SOAT2: variants seen among roughly 807,000 people sequenced by gnomAD.
The protein encoded by SOAT2 is sterol O-acyltransferase 2.
A neutral mutation model predicts 76.0 loss-of-function variants in SOAT2; 87 were observed. The observed-to-expected ratio is 1.14, with a 90% CI of 0.96 to 1.37. The LOEUF (loss-of-function observed/expected upper bound fraction) is 1.37. Among genes scored for constraint, SOAT2 ranks in the 40% most tolerant of loss-of-function variants. The pLI, the probability that SOAT2 is intolerant of heterozygous loss-of-function variation, is 0.00. For missense variants in SOAT2, 686 were observed against 682.1 expected, an observed-to-expected ratio of 1.01 and a Z score of -0.06; for synonymous variants, 285 against 275.4, an observed-to-expected ratio of 1.03 and a Z score of -0.34.
intron 8 of SOAT2, among the ~76,000 whole-genome samples, chr12:53,118,672 C>T (rs1432705263): frequency 6.6e-6 from 1 of 152,100 alleles, no homozygotes; most frequent in Non-Finnish European, 1.5e-5. Context: ...GATAATCCTA[C>T]CCATCCTACA....
chr12:53,104,428 G>A (rs1937896371), intron 2 of SOAT2, among the ~76,000 whole-genome samples: 2 of 151,746 alleles, frequency 1.3e-5, no homozygotes, highest in South Asian at 2.1e-4. Context: ...GCCACCAGGT[G>A]TGGCTAATTT....
intron 10 of SOAT2, 104 bp downstream of exon 10, chr12:53,119,357 G>C: frequency 7.8e-7 from 1 of 1,280,804 alleles, no homozygotes; most frequent in East Asian, 2.5e-5. Context: ...TTCTCCTTCT[G>C]AGTCTCTCCT....
Position 53,104,928 on chromosome 12 carries a change from T to G in SOAT2, c.139-179T>G, listed in dbSNP as rs563727042. ...GACCCATCACCACCCCACCAATGCC[T>G]GCCCTTCCCCCCGCAGGCCTGCCAC... On this transcript the variant is annotated intron_variant, in intron 2 of 14. Transcript: ENST00000301466. Among the ~76,000 whole-genome samples, 3 of 151,096 alleles carry G rather than the reference T, an allele frequency of 2.0e-5. No homozygotes were observed. In the South Asian group the frequency reaches 6.3e-4, roughly 32 times the overall value.
At chr12:53,115,203 T>G (rs975704246) in intron 5 of SOAT2, among the ~76,000 whole-genome samples, 187 bp from the exon 6 acceptor site, 5 of 152,198 alleles carry the variant, frequency 3.3e-5, no homozygotes, top group African/African-American at 1.2e-4. Flanking sequence ...ATCAAACTCA[T>G]GCCATGACTG....
chr12:53,123,268 A>C, intron 13 of SOAT2, 52 bp downstream of exon 13: 2 of 1,607,334 alleles, frequency 1.2e-6, no homozygotes, highest in Non-Finnish European at 8.5e-7. Flanking sequence ...GGAGGCCTGC[A>C]TCCTGCTCCT....
rs1938178783 is a variant in SOAT2 at position 53,120,787 on chromosome 12, C to T, written c.1041C>T (p.Gly347=). 6.2e-6 allele frequency: 10 copies of T among 1,612,984 alleles called. No individual in the cohort carries two copies. Among genetic ancestry groups the T allele is most frequent in the African/African-American group, 2.7e-5 (2 of 74,912 alleles). The change falls in exon 11 of 15, where the codon GGC becomes GGT. Residue 347 remains glycine (G), a splice_region_variant and synonymous_variant. Transcript: ENST00000301466. ...CAGCCTCTTGTCCCCAACCACCAGG[C>T]ATCTTCATGCTGCTGCTCATCTTCT... ...VLSILHATLP[G]IFMLLLIFFA...
intron 2 of SOAT2, 130 bp from the exon 3 acceptor site, chr12:53,104,977 C>A (rs1937906728): frequency 1.9e-6 from 2 of 1,054,396 alleles, no homozygotes; most frequent in East Asian, 2.9e-5. Flanking sequence ...TCCCTGCTGA[C>A]CCCCCAGGTT....
In SOAT2 at chr12:53,118,421, G is replaced by A; in HGVS notation, c.850G>A (p.Glu284Lys). The A allele has an allele frequency of 6.2e-7, 1 of 1,612,998 alleles. No homozygotes were observed. The highest frequency in any genetic ancestry group is 8.5e-7 in the Non-Finnish European group (1 of 1,179,296). ...FLFCPTLIYR[E>K]TYPRTPYVRW... Reference sequence around the variant, plus strand: ...CTTCTGCCCAACACTCATCTACAGGGAGACTTACCCTAGGTAAGACCCTGC... The same window carrying A: ...CTTCTGCCCAACACTCATCTACAGGAAGACTTACCCTAGGTAAGACCCTGC... The change falls in exon 8 of 15, where the codon GAG (glutamate) becomes AAG (lysine). Residue 284 changes from glutamate to lysine, a missense_variant. Physicochemically the swap from Glu to Lys is moderately conservative, Grantham distance 56 (BLOSUM62 1). Transcript: ENST00000301466.
chr12:53,122,959 G>A (rs1242529135), intron 12 of SOAT2, 122 bp from the exon 13 acceptor site: 3 of 1,134,730 alleles, frequency 2.6e-6, no homozygotes, highest in Non-Finnish European at 3.5e-6. Flanking sequence ...GCCGGGCGGG[G>A]GGCTGACCCC....
intron 1 of SOAT2, among the ~76,000 whole-genome samples, chr12:53,103,886 C>T (rs1047705517): frequency 2.0e-5 from 3 of 152,186 alleles, no homozygotes; most frequent in Non-Finnish European, 4.4e-5. Context: ...GACTGTTTAG[C>T]CCCAGATAGT....
Position 53,124,534 on chromosome 12 carries a change from C to A in SOAT2, c.*411C>A, listed in dbSNP as rs966181707. The A allele has an allele frequency of 5.8e-5, 8 of 138,142 alleles. No homozygotes were observed. Among genetic ancestry groups the A allele is most frequent in the Non-Finnish European group, 2.8e-5 (2 of 72,274 alleles). The allele number at this position is 138,142 out of a possible 1,614,324, so 8.6% of individuals were successfully genotyped here. On this transcript the variant is annotated 3_prime_UTR_variant, in exon 15 of 15. Transcript: ENST00000301466. ...AATAAACTTTGTCTCCCTTTTTATT[C>A]ATTCATTCATTCATTCATTCATTCA...
chr12:53,120,943 G>A (rs2121302781), intron 11 of SOAT2, 60 bp downstream of exon 11: 5 of 1,285,788 alleles, frequency 3.9e-6, no homozygotes, highest in Non-Finnish European at 5.7e-6. Flanking sequence ...GGAGGGATCT[G>A]GGGAAGATGG....
intron 5 of SOAT2, among the ~76,000 whole-genome samples, chr12:53,114,024 C>G (rs1449164703): frequency 6.6e-6 from 1 of 152,118 alleles, no homozygotes; most frequent in Non-Finnish European, 1.5e-5. Context: ...AGGCAAAACT[C>G]TTGGTGGGCT....
Position 53,103,531 on chromosome 12 carries a change from G to C in SOAT2, c.-47G>C, listed in dbSNP as rs1937870855. On this transcript the variant is annotated 5_prime_UTR_variant, in exon 1 of 15. Transcript: ENST00000301466. ...AGGGCAGGCCACACTGCGAAGGAAG[G>C]AGGCAACACGGGCAAGGGCTGCCTG... 2 of 1,502,544 alleles carry C rather than the reference G, an allele frequency of 1.3e-6. No homozygotes were observed. Among genetic ancestry groups the C allele is most frequent in the Admixed American group, 3.9e-5 (2 of 50,902 alleles). 93.1% of individuals were successfully genotyped at this position (1,502,544 alleles called of 1,614,324 possible).
intron 1 of SOAT2, 119 bp downstream of exon 1, chr12:53,103,778 C>A: frequency 2.2e-6 from 2 of 889,194 alleles, no homozygotes; most frequent in Non-Finnish European, 3.3e-6. Flanking sequence ...TCCAGAGAGG[C>A]CAAGGAAGGT....
intron 1 of SOAT2, 80 bp from the exon 2 acceptor site, chr12:53,104,071 A>C: frequency 2.5e-6 from 3 of 1,205,080 alleles, no homozygotes; most frequent in Non-Finnish European, 3.7e-6. Context: ...CACACAAAGC[A>C]TTTCCTGACC....
chr12:53,104,308 T>C, intron 2 of SOAT2, 102 bp downstream of exon 2: 1 of 842,348 alleles, frequency 1.2e-6, no homozygotes, highest in East Asian at 3.0e-5. Flanking sequence ...TTTTTTTTTT[T>C]TGAAACAAAG....
chr12:53,112,759 C>A (rs1342828406), intron 5 of SOAT2, among the ~76,000 whole-genome samples: 1 of 150,240 alleles, frequency 6.7e-6, no homozygotes, highest in Non-Finnish European at 1.5e-5. Context: ...CAATACCTCC[C>A]ATTTTCTTTT....
At chr12:53,122,924 C>T (rs1170345222) in intron 12 of SOAT2, among the ~76,000 whole-genome samples, 157 bp from the exon 13 acceptor site, 1 of 151,974 alleles carries the variant, frequency 6.6e-6, no homozygotes, top group African/African-American at 2.4e-5. Context: ...CAGAGGCGCC[C>T]CTCACCTCCC....
Sources: gnomAD v4.1 joint callset for allele counts (sites outside exome capture counted in the v4.1 genomes callset) on GRCh38, gnomAD v4.1.1 for gene constraint, MANE v1.5 for transcripts, NCBI Gene and HGNC (gene_info 2026-07-23, HGNC 2026-07-21) for gene names.